The following DPEP3 variants were observed in gnomAD, a reference collection of about 807,000 sequenced individuals.
The protein encoded by DPEP3 is membrane-bound dipeptidase 3.
A neutral mutation model predicts 47.5 loss-of-function variants in DPEP3; 42 were observed. The ratio of observed to expected loss-of-function variants is 0.88; its 90% CI spans 0.69 to 1.14. DPEP3 has a LOEUF of 1.14. Ranked by LOEUF, DPEP3 falls within the 50% of genes most tolerant of loss-of-function variation. The pLI, the probability that DPEP3 is intolerant of heterozygous loss-of-function variation, is 0.00. For missense variants in DPEP3, 560 were observed against 635.0 expected, an observed-to-expected ratio of 0.88 and a Z score of 1.27; for synonymous variants, 276 against 270.2, an observed-to-expected ratio of 1.02 and a Z score of -0.21.
intron 2 of DPEP3, 44 bp downstream of exon 2, chr16:67,979,595 C>T: frequency 6.2e-7 from 1 of 1,607,670 alleles, no homozygotes; most frequent in African/African-American, 1.3e-5. Flanking sequence ...ACCCCAACAT[C>T]CCCCAGCAGC....
chr16:67,977,385 C>A, intron 6 of DPEP3, 31 bp from the exon 7 acceptor site: 1 of 1,604,702 alleles, frequency 6.2e-7, no homozygotes, highest in South Asian at 1.1e-5. Context: ...TCATCTCAGC[C>A]CTTCTGGCCT....
At position 67,980,400 on chromosome 16, in the gene DPEP3, C is replaced by T. The variant is rs962414774; in HGVS notation, c.-20G>A. ...CTGCATGTTGCGCGGGGGTCGGCCG[C>T]GGGAGCCTGGGAGGAGCAGGCGATG... On this transcript the variant is annotated 5_prime_UTR_variant, in exon 1 of 10. Transcript: ENST00000268793. The T allele has an allele frequency of 3.3e-6, 5 of 1,504,578 alleles. No homozygotes were observed. In the African/African-American group the frequency reaches 7.1e-5, roughly 21 times the overall value. The allele number at this position is 1,504,578 out of a possible 1,614,324, so 93.2% of individuals were successfully genotyped here.
intron 6 of DPEP3, 55 bp from the exon 7 acceptor site, chr16:67,977,409 C>T: frequency 6.4e-7 from 1 of 1,558,282 alleles, no homozygotes; most frequent in South Asian, 1.1e-5. Flanking sequence ...AACATGCCTC[C>T]TGTGCTGTGG....
chr16:67,979,961 A>G, intron 1 of DPEP3, 133 bp downstream of exon 1: 1 of 1,378,004 alleles, frequency 7.3e-7, no homozygotes, highest in Non-Finnish European at 9.8e-7. Context: ...CCCATGGGTG[A>G]TGGAGGAGAG....
chr16:67,976,887 G>T, intron 7 of DPEP3, 112 bp from the exon 8 acceptor site: 2 of 880,444 alleles, frequency 2.3e-6, no homozygotes, highest in Non-Finnish European at 3.6e-6. Flanking sequence ...CTCATGGCCA[G>T]TCATGAGTCC....
rs527620672 is a variant in DPEP3, at chr16:67,979,660, T to G, written c.393A>C (p.Arg131Ser). ...GTACCTGGGCACCCACGAGGCCGTC[T>G]CTAAGCCTGTCCAGGCTGGTCTGAC... ...SHGQTSLDRL[R>S]DGLVGAQFWS... The change falls in exon 2 of 10, where the codon AGA (arginine) becomes AGC (serine). Residue 131 changes from arginine to serine, a missense_variant. Arg to Ser is a moderately radical substitution (Grantham distance 110). Coordinates refer to ENST00000268793, the MANE Select transcript of DPEP3 (RefSeq NM_001370198.1). The G allele has an allele frequency of 5.6e-6, 9 of 1,614,106 alleles. No individual in the cohort carries two copies. The East Asian group carries it at 2.0e-4, about 36-fold the overall frequency.
intron 8 of DPEP3, 136 bp downstream of exon 8, chr16:67,976,564 A>ACACCCT: frequency 1.2e-6 from 1 of 806,136 alleles, no homozygotes; most frequent in Non-Finnish European, 2.0e-6. Flanking sequence ...AGGCCCTGAG[A>ACACCCT]GTGGGGAGTG....
chr16:67,979,679 G>A lies in DPEP3; in HGVS notation c.374C>T (p.Thr125Ile), dbSNP rs745741301. The A allele has an allele frequency of 6.2e-7, 1 of 1,614,172 alleles. No homozygotes were observed. Among genetic ancestry groups the A allele is most frequent in the Admixed American group, 1.7e-5 (1 of 60,024 alleles). ...GCCGTCTCTAAGCCTGTCCAGGCTG[G>A]TCTGACCATGGCTGAAATTTCGCAG... ...VNLRNFSHGQTSLDRLRDGLV... is the reference protein window; with the variant it reads ...VNLRNFSHGQISLDRLRDGLV... The change falls in exon 2 of 10, where the codon ACC becomes ATC. Residue 125 changes from threonine to isoleucine, a missense_variant. Coordinates refer to ENST00000268793, the MANE Select transcript of DPEP3 (RefSeq NM_001370198.1).
chr16:67,978,197 ACACC>A lies in DPEP3; in HGVS notation c.686+66_686+69del. 1 of 1,608,368 alleles carries A rather than the reference ACACC, an allele frequency of 6.2e-7. No homozygotes were observed. Among genetic ancestry groups the A allele is most frequent in the Non-Finnish European group, 8.5e-7 (1 of 1,176,146 alleles). On this transcript the variant is annotated intron_variant, in intron 4 of 9. Transcript: ENST00000268793. This position sits in a 1 kb window ranked among gnomAD's most constrained non-coding sequence, Gnocchi z 4.4. ...CCCCTTCATCCTCAACGGCTTGGTC[ACACC>A]CATGCCAGGAATGGGGCAGTTTCCA...
At position 67,975,976 on chromosome 16, in the gene DPEP3, C is replaced by T. The variant is rs201837263; in HGVS notation, c.1256G>A (p.Ser419Asn). Residue 419 changes from serine (S) to asparagine (N), a missense_variant, in exon 10 of 10, where the codon AGC (serine) becomes AAC (asparagine). Physicochemically the swap from Ser to Asn is conservative, Grantham distance 46. Coordinates refer to ENST00000268793, the MANE Select transcript of DPEP3 (RefSeq NM_001370198.1). ...EKVREESRAQ[S>N]PVEAEFPYGQ... ...ATATGGAAACTCAGCCTCCACGGGG[C>T]TCTGCGCCCTGCTCTCCTCTCTCAC... The T allele has an allele frequency of 3.7e-5, 60 of 1,613,876 alleles. No individual in the cohort carries two copies. Among genetic ancestry groups the T allele is most frequent in the Non-Finnish European group, 5.1e-5 (60 of 1,179,884 alleles).
chr16:67,978,475 T>G lies in DPEP3; in HGVS notation c.544+22A>C. On this transcript the variant is annotated intron_variant, in intron 3 of 9. Transcript: ENST00000268793. This position sits in a 1 kb window ranked among gnomAD's most constrained non-coding sequence, Gnocchi z 4.4. ...AGAACCTCCAGAGTGACATCCTGAC[T>G]ACCTCTCATCTGCTGGCCCACCTTC... The G allele has an allele frequency of 6.2e-7, 1 of 1,614,064 alleles. No individual in the cohort carries two copies. The highest frequency in any genetic ancestry group is 8.5e-7 in the Non-Finnish European group (1 of 1,179,910).
At chr16:67,976,284 G>A in intron 8 of DPEP3, 56 bp from the exon 9 acceptor site, 1 of 1,602,964 alleles carries the variant, frequency 6.2e-7, no homozygotes, top group South Asian at 1.1e-5. Flanking sequence ...CTGGGTTGGG[G>A]CCCGCTGCCC....
rs774770772 is a variant in DPEP3, at chr16:67,980,307, A to G, written c.74T>C (p.Leu25Pro). The G allele has an allele frequency of 3.8e-6, 6 of 1,565,674 alleles. No homozygotes were observed. Among genetic ancestry groups the G allele is most frequent in the Non-Finnish European group, 5.2e-6 (6 of 1,156,946 alleles). Residue 25 changes from leucine (L) to proline (P), a missense_variant, in exon 1 of 10, where the codon CTG (leucine) becomes CCG (proline). Coordinates refer to ENST00000268793, the MANE Select transcript of DPEP3 (RefSeq NM_001370198.1). ...TACGGGCTGCCGCAGCAGCAGCAGCAGTAGCAGGAGCAGCAGACGCCGCAG... is the reference window on the plus strand; with the variant it reads ...TACGGGCTGCCGCAGCAGCAGCAGCGGTAGCAGGAGCAGCAGACGCCGCAG... ...RYLRRLLLLL[L>P]LLLLRQPVTR... is the part of the protein sequence containing the mutation.
rs1218986348 is a variant in DPEP3 at position 67,980,257 on chromosome 16, C to T, written c.124G>A (p.Ala42Thr). 9 of 1,601,430 alleles carry T rather than the reference C, an allele frequency of 5.6e-6. No individual in the cohort carries two copies. Among genetic ancestry groups the T allele is most frequent in the Admixed American group, 3.5e-5 (2 of 57,584 alleles). Reference protein sequence around the residue: ...PVTRAETTPGAPRALSTLGSP... With the variant: ...PVTRAETTPGTPRALSTLGSP... ...CCCAGCGTGGAGAGGGCTCTGGGGG[C>T]GCCCGGCGTGGTCTCCGCGCGGGTT... The change falls in exon 1 of 10, where the codon GCC (alanine) becomes ACC (threonine). Residue 42 changes from alanine to threonine, a missense_variant. Ala to Thr is a moderately conservative substitution (Grantham distance 58, BLOSUM62 0). Coordinates refer to ENST00000268793, the MANE Select transcript of DPEP3 (RefSeq NM_001370198.1).
chr16:67,979,907 G>A (rs927855313), intron 1 of DPEP3, 142 bp from the exon 2 acceptor site: 2 of 1,426,120 alleles, frequency 1.4e-6, no homozygotes, highest in African/African-American at 1.4e-5. Context: ...GTTGGAGGGA[G>A]GGGGTTAGAT....
In DPEP3 at chr16:67,976,017, C is replaced by CG. The variant is rs765401360; in HGVS notation, c.1231-17dup. 1.3e-4 allele frequency: 217 copies of CG among 1,613,388 alleles called. 3 individuals are homozygous for CG. The Admixed American group carries it at 3.6e-3, about 27-fold the overall frequency. On this transcript the variant is annotated splice_polypyrimidine_tract_variant and intron_variant, in intron 9 of 9. Transcript: ENST00000268793. ...CCTCTCTCACCTGGGGGAGGAAGTC[C>CG]GCAGTCAGAGGCTCCCACAGCAATC...
chr16:67,977,671 A>G lies in DPEP3; in HGVS notation c.915T>C (p.Asp305=), dbSNP rs2151349209. ...CACTCACCAGAAGCTGCAGGATATCATCGGGAACATTCAACAAATTGTCAC... is the reference window on the plus strand; with the variant it reads ...CACTCACCAGAAGCTGCAGGATATCGTCGGGAACATTCAACAAATTGTCAC... ...AVCDNLLNVP[D]DILQLLKKNG... The change falls in exon 6 of 10, where the codon GAT becomes GAC. Residue 305 remains aspartate (D), a synonymous_variant. Coordinates refer to ENST00000268793, the MANE Select transcript of DPEP3 (RefSeq NM_001370198.1). The G allele has an allele frequency of 6.2e-7, 1 of 1,611,852 alleles. No individual in the cohort carries two copies. Among genetic ancestry groups the G allele is most frequent in the South Asian group, 1.1e-5 (1 of 90,526 alleles).
Position 67,976,193 on chromosome 16 carries a change from G to A in DPEP3, c.1130C>T (p.Pro377Leu). Residue 377 changes from proline (P) to leucine (L), a missense_variant, in exon 9 of 10, where the codon CCA (proline) becomes CTA (leucine). Transcript: ENST00000268793. ...ACTCAGCAACTCCTCTATCAGGACT[G>A]GGTATGTGGACACATCCTCCAGCCC... ...PQGLEDVSTY[P>L]VLIEELLSRS... 1 of 1,614,194 alleles carries A rather than the reference G, an allele frequency of 6.2e-7. No individual in the cohort carries two copies. The highest frequency in any genetic ancestry group is 8.5e-7 in the Non-Finnish European group (1 of 1,180,038).
At position 67,977,755 on chromosome 16, in the gene DPEP3, C is replaced by G. The variant is rs778883477; in HGVS notation, c.831G>C (p.Arg277Ser). ...CAGGAGCCTGAGACACTTCCAGGAC[C>G]CTTCTTATCAAGGTGTCCGATGCAT... The part of the protein sequence containing the change: ...LSYASDTLIR[R>S]VLEVSQAPVI... Residue 277 changes from arginine (R) to serine (S), a missense_variant, in exon 6 of 10, where the codon AGG becomes AGC. Coordinates refer to ENST00000268793, the MANE Select transcript of DPEP3 (RefSeq NM_001370198.1). The G allele has an allele frequency of 4.3e-6, 7 of 1,613,778 alleles. No homozygotes were observed. In the East Asian group the frequency reaches 1.6e-4, roughly 36 times the overall value.
Sources: gnomAD v4.1 joint callset for allele counts on GRCh38, gnomAD v4.1.1 for gene constraint, Gnocchi (gnomAD v3.1) non-coding constraint, MANE v1.5 for transcripts, NCBI Gene and HGNC (gene_info 2026-07-23, HGNC 2026-07-21) for gene names.